CDH23: variants seen among roughly 807,000 people sequenced by gnomAD.
CDH23 encodes cadherin-23.
A neutral mutation model predicts 317.1 loss-of-function variants in CDH23; 189 were observed. The ratio of observed to expected loss-of-function variants is 0.60; its 90% CI spans 0.53 to 0.67. CDH23 has a LOEUF of 0.67. CDH23 is among the 30% of genes least tolerant of loss of function. The pLI, the probability that CDH23 is intolerant of heterozygous loss-of-function variation, is 0.00. For synonymous variants in CDH23, 1,839 were observed against 1,876.8 expected (o/e 0.98, Z 0.52); for missense variants, 4,401 against 4,592.4 (o/e 0.96, Z 1.20).
intron 28 of CDH23, among the ~76,000 whole-genome samples, chr10:71,720,303 A>G (rs1454145469): frequency 2.0e-5 from 3 of 152,088 alleles, no homozygotes; most frequent in Non-Finnish European, 4.4e-5. Context: ...GGTGAGGGGC[A>G]TCTTCAAAGG....
intron 22 of CDH23, among the ~76,000 whole-genome samples, chr10:71,698,432 G>A (rs867855650): frequency 6.6e-6 from 1 of 152,124 alleles, no homozygotes; most frequent in Admixed American, 6.5e-5. Context: ...ATAGCTAACA[G>A]AGTTTCAGGT....
intron 6 of CDH23, among the ~76,000 whole-genome samples, chr10:71,530,064 C>T (rs1482042293): frequency 5.3e-5 from 8 of 151,606 alleles, no homozygotes; most frequent in Non-Finnish European, 1.2e-4. Context: ...CACACACACA[C>T]ACACACTCTC....
At chr10:71,401,475 A>G (rs1001363405) in intron 1 of CDH23, among the ~76,000 whole-genome samples, 1 of 152,144 alleles carries the variant, frequency 6.6e-6, no homozygotes, top group African/African-American at 2.4e-5. Context: ...CCCTATTCTT[A>G]AGTGATCATT....
chr10:71,796,261 C>A (rs527802257), intron 48 of CDH23, among the ~76,000 whole-genome samples: 1 of 152,306 alleles, frequency 6.6e-6, no homozygotes, highest in African/African-American at 2.4e-5. Flanking sequence ...CAAGAAAGGT[C>A]CCAAGAAACG....
In CDH23 at chr10:71,734,254, C is replaced by G; in HGVS notation, c.4119C>G (p.Val1373=). The G allele has an allele frequency of 6.2e-7, 1 of 1,610,826 alleles. No homozygotes were observed. Among genetic ancestry groups the G allele is most frequent in the East Asian group, 2.2e-5 (1 of 44,778 alleles). The change falls in exon 33 of 70, where the codon GTC becomes GTG. Residue 1373 remains valine (V), a synonymous_variant. Coordinates refer to ENST00000224721, the MANE Select transcript of CDH23 (RefSeq NM_022124.6). The part of the protein sequence containing the change: ...KIDAITGVIT[V]QGLVDREKGD... ...CTTCCCTGCAGGGTGTGATCACAGT[C>G]CAGGGCCTGGTGGACCGTGAGAAGG...
chr10:71,489,821 G>C (rs892346079), intron 3 of CDH23, among the ~76,000 whole-genome samples: 3 of 152,220 alleles, frequency 2.0e-5, no homozygotes, highest in African/African-American at 7.2e-5. Context: ...CAGGCCGTGT[G>C]AATTTGGGCT....
chr10:71,489,851 A>G (rs77591965), intron 3 of CDH23, among the ~76,000 whole-genome samples: 1 of 152,190 alleles, frequency 6.6e-6, no homozygotes. Context: ...GATGTGGGCC[A>G]TTAGGGTTAC....
At chr10:71,541,549 T>G (rs1855991809) in intron 6 of CDH23, among the ~76,000 whole-genome samples, 1 of 152,230 alleles carries the variant, frequency 6.6e-6, no homozygotes, top group Non-Finnish European at 1.5e-5. Context: ...GTGCTATCAT[T>G]TGATGGGATT....
chr10:71,418,584 G>C (rs1372274985), intron 1 of CDH23, among the ~76,000 whole-genome samples: 1 of 152,156 alleles, frequency 6.6e-6, no homozygotes, highest in African/African-American at 2.4e-5. Flanking sequence ...TTCTCATTCT[G>C]TGCCAAAGCT....
intron 38 of CDH23, chr10:71,773,359 T>C: frequency 2.5e-6 from 4 of 1,606,794 alleles, no homozygotes; most frequent in Non-Finnish European, 3.4e-6. Flanking sequence ...CGACCTTACC[T>C]AGGGACGCAG....
chr10:71,617,281 T>C lies in CDH23; in HGVS notation c.1022T>C (p.Ile341Thr). 6.2e-7 allele frequency: 1 copy of C among 1,614,000 alleles called. No homozygotes were observed. Among genetic ancestry groups the C allele is most frequent in the Non-Finnish European group, 8.5e-7 (1 of 1,179,886 alleles). ...ACCTTCAATATCCTGGTTATTGACA[T>C]CAATGACAATGCCCCGGAGTTCAAC... Reference protein sequence around the residue: ...TTTFNILVIDINDNAPEFNSS... With the variant: ...TTTFNILVIDTNDNAPEFNSS... Residue 341 changes from isoleucine (I) to threonine (T), a missense_variant, in exon 11 of 70, where the codon ATC becomes ACC. Physicochemically the swap from Ile to Thr is moderately conservative, Grantham distance 89. Transcript: ENST00000224721.
rs376560330 is a variant in CDH23 at position 71,705,068 on chromosome 10, G to A, written c.2891G>A (p.Arg964Gln). 266 of 1,612,522 alleles carry A rather than the reference G, an allele frequency of 1.6e-4. 9 individuals are homozygous for A. The highest frequency in any genetic ancestry group is 1.6e-3 in the East Asian group (74 of 44,862). Residue 964 changes from arginine (R) to glutamine (Q), a missense_variant, in exon 25 of 70, where the codon CGG (arginine) becomes CAG (glutamine). By Grantham distance (43) the Arg-to-Gln change is conservative (BLOSUM62 1). Around this residue, in one of 3 missense-constraint regions of CDH23, gnomAD observed 3,068 missense variants for 3,203.3 expected, o/e 0.96. Transcript: ENST00000224721. ...GAGCGCATCGCGGAGTACCAGCTGC[G>A]GGTGGTGGCCAGTGATGCAGGCACG... ...DRERIAEYQL[R>Q]VVASDAGTPT...
At chr10:71,450,410 C>T (rs1850378203) in intron 3 of CDH23, among the ~76,000 whole-genome samples, 1 of 151,962 alleles carries the variant, frequency 6.6e-6, no homozygotes, top group Non-Finnish European at 1.5e-5. Flanking sequence ...GGATTACAGG[C>T]ACACGCCACC....
chr10:71,462,832 C>A (rs1851069743), intron 3 of CDH23, among the ~76,000 whole-genome samples: 1 of 152,212 alleles, frequency 6.6e-6, no homozygotes, highest in Admixed American at 6.5e-5. Flanking sequence ...CATATGTCAA[C>A]AGTCCTAGGT....
At position 71,567,621 on chromosome 10, in the gene CDH23, G is replaced by A. The variant is rs902834972; in HGVS notation, c.624+685G>A. Among the ~76,000 whole-genome samples, 7 of 152,236 alleles carry A rather than the reference G, an allele frequency of 4.6e-5. No homozygotes were observed. In the East Asian group the frequency reaches 1.3e-3, roughly 29 times the overall value. On this transcript the variant is annotated intron_variant, in intron 7 of 69. Coordinates refer to ENST00000224721, the MANE Select transcript of CDH23 (RefSeq NM_022124.6). ...TGTCCACCTCTCAGTCCAGTGCCCTGACCACCATGCCCCATGGCTAGACAT... is the reference window on the plus strand; with the variant it reads ...TGTCCACCTCTCAGTCCAGTGCCCTAACCACCATGCCCCATGGCTAGACAT...
intron 3 of CDH23, among the ~76,000 whole-genome samples, chr10:71,493,999 A>C (rs557849661): frequency 6.6e-6 from 1 of 152,294 alleles, no homozygotes; most frequent in South Asian, 2.1e-4. Context: ...ATGCTTTGTC[A>C]TTTACAAGAG....
chr10:71,478,096 A>G (rs1421769221), intron 3 of CDH23, among the ~76,000 whole-genome samples: 4 of 152,212 alleles, frequency 2.6e-5, no homozygotes, highest in African/African-American at 9.6e-5. Flanking sequence ...GTCTGTCCAC[A>G]CAAATCTGTC....
intron 38 of CDH23, chr10:71,773,539 G>T (rs1433265376): frequency 8.4e-7 from 1 of 1,193,290 alleles, no homozygotes; most frequent in Non-Finnish European, 1.2e-6. Context: ...GCGAGTGAGC[G>T]CTGCGGGCGG....
At chr10:71,811,117 C>T (rs905157120) in intron 62 of CDH23, among the ~76,000 whole-genome samples, 198 bp from the exon 63 acceptor site, 3 of 150,626 alleles carry the variant, frequency 2.0e-5, no homozygotes, top group African/African-American at 7.4e-5. Context: ...AGTATTCCAT[C>T]CACTGTAAGG....
Sources: allele counts gnomAD v4.1 joint callset (sites outside exome capture counted in the v4.1 genomes callset), GRCh38; gene constraint gnomAD v4.1.1; regional missense constraint gnomAD v4.1.1; transcripts MANE v1.5; gene names NCBI Gene and HGNC (gene_info 2026-07-23, HGNC 2026-07-21).